The following ZNF486 variants were observed in gnomAD, a reference collection of about 807,000 sequenced individuals.
ZNF486 encodes the protein KRAB box only protein 2.
Under a neutral mutation model 12.8 loss-of-function variants are expected in ZNF486, and 12 were observed. That is an observed-to-expected ratio of 0.94 (90% CI 0.60 to 1.52). The LOEUF (loss-of-function observed/expected upper bound fraction) is 1.52, where lower values mean the gene tolerates loss of function less well. Among genes scored for constraint, ZNF486 ranks in the 40% most tolerant of loss-of-function variants. The pLI is 0.00. For synonymous variants in ZNF486, 231 were observed against 184.9 expected (o/e 1.25, Z -2.02); for missense variants, 738 against 545.0 (o/e 1.35, Z -3.53).
intron 1 of ZNF486, among the ~76,000 whole-genome samples, chr19:20,181,986 C>T (rs2089792461): frequency 6.6e-6 from 1 of 152,136 alleles, no homozygotes; most frequent in Non-Finnish European, 1.5e-5. Context: ...TGCATTAGTA[C>T]TTGTGTACAT....
At chr19:20,194,812 T>C (rs2122682848) in intron 3 of ZNF486, among the ~76,000 whole-genome samples, 1 of 152,330 alleles carries the variant, frequency 6.6e-6, no homozygotes, top group East Asian at 1.9e-4. Context: ...CAAAATTCTA[T>C]TCTTATATGT....
chr19:20,190,425 C>T (rs1489888495), intron 3 of ZNF486, among the ~76,000 whole-genome samples: 1 of 152,214 alleles, frequency 6.6e-6, no homozygotes, highest in Non-Finnish European at 1.5e-5. Context: ...CTTACCAACA[C>T]CAAGGCTGGA....
At chr19:20,168,852 T>C (rs1376714557) in intron 1 of ZNF486, among the ~76,000 whole-genome samples, 2 of 151,976 alleles carry the variant, frequency 1.3e-5, no homozygotes, top group Non-Finnish European at 2.9e-5. Context: ...AAAAAAATTT[T>C]TTTTTTTTGA....
In ZNF486 at chr19:20,198,035, C is replaced by A. The variant is rs782157935; in HGVS notation, c.1325C>A (p.Ala442Asp). The A allele has an allele frequency of 8.7e-6, 14 of 1,612,560 alleles. No homozygotes were observed. In the Admixed American group the frequency reaches 1.8e-4, roughly 21 times the overall value. The stretch of plus-strand genomic sequence containing the variant: ...TACAAATGTAAAGAATGTGGCAAAG[C>A]TTTTAACTGGTCCTCAGACCTTAAT... Reference protein sequence around the residue: ...KPYKCKECGKAFNWSSDLNKH... With the variant: ...KPYKCKECGKDFNWSSDLNKH... The change falls in exon 4 of 4, where the codon GCT (alanine) becomes GAT (aspartate). Residue 442 changes from alanine (A) to aspartate (D), a missense_variant. Physicochemically the swap from Ala to Asp is moderately radical, Grantham distance 126 (BLOSUM62 -2). Coordinates refer to ENST00000335117, the MANE Select transcript of ZNF486 (RefSeq NM_052852.4).
At chr19:20,186,367 A>C (rs2089846434) in intron 3 of ZNF486, among the ~76,000 whole-genome samples, 1 of 152,130 alleles carries the variant, frequency 6.6e-6, no homozygotes. Flanking sequence ...GTGATTGCAC[A>C]ATCTGGCTGC....
chr19:20,187,651 A>T (rs2089863682), intron 3 of ZNF486, among the ~76,000 whole-genome samples: 1 of 151,690 alleles, frequency 6.6e-6, no homozygotes, highest in Non-Finnish European at 1.5e-5. Context: ...ACAGGCGCCC[A>T]CCACCACACC....
rs1555716019 is a variant in ZNF486 at position 20,184,398 on chromosome 19, G to C, written c.73G>C (p.Glu25Gln). The C allele has an allele frequency of 6.2e-7, 1 of 1,613,568 alleles. No homozygotes were observed. The highest frequency in any genetic ancestry group is 1.1e-5 in the South Asian group (1 of 91,060). The stretch of plus-strand genomic sequence containing the variant: ...AGATGTGGCTGTAGAATTCTCTCTG[G>C]AGGAGTGGCATTGCCTGGACACTGC... ...FRDVAVEFSL[E>Q]EWHCLDTAQQ... The change falls in exon 2 of 4, where the codon GAG becomes CAG. Residue 25 changes from glutamate (E) to glutamine (Q), a missense_variant. Coordinates refer to ENST00000335117, the MANE Select transcript of ZNF486 (RefSeq NM_052852.4).
chr19:20,196,192 T>A (rs1289714188), intron 3 of ZNF486, among the ~76,000 whole-genome samples: 2 of 152,164 alleles, frequency 1.3e-5, no homozygotes, highest in African/African-American at 4.8e-5. Context: ...TTTGTTTGTA[T>A]TTTAGTAGAG....
At position 20,186,031 on chromosome 19, in the gene ZNF486, G is replaced by A. The variant is rs1555716367; in HGVS notation, c.202G>A (p.Gly68Arg). 24 of 1,591,280 alleles carry A rather than the reference G, an allele frequency of 1.5e-5. No homozygotes were observed. The highest frequency in any genetic ancestry group is 1.9e-5 in the Non-Finnish European group (22 of 1,171,062). The change falls in exon 3 of 4, where the codon GGA becomes AGA. Residue 68 changes from glycine (G) to arginine (R), a missense_variant. By Grantham distance (125) the Gly-to-Arg change is moderately radical (BLOSUM62 -2). Coordinates refer to ENST00000335117, the MANE Select transcript of ZNF486 (RefSeq NM_052852.4). Reference sequence around the variant, plus strand: ...AGACCTGATCACCTGTCTGGAGCAAGGAATAAAACCTCTGACTATGAAGAG... The same window carrying A: ...AGACCTGATCACCTGTCTGGAGCAAAGAATAAAACCTCTGACTATGAAGAG... ...KPDLITCLEQ[G>R]IKPLTMKRHE...
At chr19:20,183,090 C>G (rs1028946765) in intron 1 of ZNF486, among the ~76,000 whole-genome samples, 1 of 152,160 alleles carries the variant, frequency 6.6e-6, no homozygotes, top group Non-Finnish European at 1.5e-5. Context: ...AAAAATATTT[C>G]TTTCCTATAT....
chr19:20,169,438 T>G (rs539024859), intron 1 of ZNF486, among the ~76,000 whole-genome samples: 1 of 152,148 alleles, frequency 6.6e-6, no homozygotes, highest in African/African-American at 2.4e-5. Context: ...CCTAGTTAGT[T>G]TTTTCTGGGG....
Position 20,187,626 on chromosome 19 carries a change from C to T in ZNF486, c.253+1544C>T, listed in dbSNP as rs374508614. 3.2e-3 allele frequency among the ~76,000 whole-genome samples: 483 copies of T among 151,632 alleles called. 4 individuals carry two copies. Among genetic ancestry groups the T allele is most frequent in the African/African-American group, 0.011 (464 of 41,266 alleles). On this transcript the variant is annotated intron_variant, in intron 3 of 3. Transcript: ENST00000335117. ...ACGCCATTCTCCTGCCTCAGCCTCC[C>T]GAGTAGCTGGGACTACAGGCGCCCA...
chr19:20,167,765 G>A (rs1229910818), intron 1 of ZNF486, among the ~76,000 whole-genome samples: 1 of 152,096 alleles, frequency 6.6e-6, no homozygotes, highest in Non-Finnish European at 1.5e-5. Flanking sequence ...TTATGGGGCC[G>A]GGCGCGGTGG....
rs192706536 is a variant in ZNF486 at position 20,185,699 on chromosome 19, C to T, written c.158-288C>T. On this transcript the variant is annotated intron_variant, in intron 2 of 3. Transcript: ENST00000335117. ...CTAGGATTAGAGGTGTGAGCCACTGCAACTGGCCCTATTTATGGTTTTTAA... is the reference window on the plus strand; with the variant it reads ...CTAGGATTAGAGGTGTGAGCCACTGTAACTGGCCCTATTTATGGTTTTTAA... Among the ~76,000 whole-genome samples, 59 of 151,094 alleles carry T rather than the reference C, an allele frequency of 3.9e-4. No homozygotes were observed. In the East Asian group the frequency reaches 0.011, roughly 28 times the overall value.
At chr19:20,195,577 TATC>T (rs1257169141) in intron 3 of ZNF486, among the ~76,000 whole-genome samples, 2 of 152,252 alleles carry the variant, frequency 1.3e-5, no homozygotes, top group African/African-American at 2.4e-5. Flanking sequence ...TGGTATACAT[TATC>T]ATCTTTGATA....
rs1410699632 is a variant in ZNF486 at position 20,197,227 on chromosome 19, A to C, written c.517A>C (p.Lys173Gln). The change falls in exon 4 of 4, where the codon AAA (lysine) becomes CAA (glutamine). Residue 173 changes from lysine (K) to glutamine (Q), a missense_variant. Lys to Gln is a moderately conservative substitution (Grantham distance 53, BLOSUM62 1). Transcript: ENST00000335117. ...TCAATTTTCAAATTCAAAGAGACATAAAAGAAGACATACTGAAAAAAAACC... is the reference window on the plus strand; with the variant it reads ...TCAATTTTCAAATTCAAAGAGACATCAAAGAAGACATACTGAAAAAAAACC... ...FHQFSNSKRH[K>Q]RRHTEKKPLK... is the part of the protein sequence containing the mutation. 6.2e-7 allele frequency: 1 copy of C among 1,612,850 alleles called. No homozygotes were observed. Among genetic ancestry groups the C allele is most frequent in the Non-Finnish European group, 8.5e-7 (1 of 1,179,742 alleles).
chr19:20,188,341 T>C (rs889191418), intron 3 of ZNF486: 26 of 397,792 alleles, frequency 6.5e-5, no homozygotes, highest in Non-Finnish European at 9.3e-5. Context: ...TTTAAAAAAA[T>C]TGTTTTAAAA....
At chr19:20,170,669 G>A (rs1310012785) in intron 1 of ZNF486, among the ~76,000 whole-genome samples, 1 of 152,186 alleles carries the variant, frequency 6.6e-6, no homozygotes, top group Non-Finnish European at 1.5e-5. Flanking sequence ...CTGGCTGTGT[G>A]ACAGGTAAGA....
At chr19:20,195,186 T>G (rs1267693845) in intron 3 of ZNF486, among the ~76,000 whole-genome samples, 1 of 152,172 alleles carries the variant, frequency 6.6e-6, no homozygotes, top group Non-Finnish European at 1.5e-5. Flanking sequence ...TAATTTTATT[T>G]TTGAGACAGT....
Sources: gnomAD v4.1 joint callset for allele counts (sites outside exome capture counted in the v4.1 genomes callset) on GRCh38, gnomAD v4.1.1 for gene constraint, MANE v1.5 for transcripts, NCBI Gene and HGNC (gene_info 2026-07-23, HGNC 2026-07-21) for gene names.